Variants in SPC25 observed in about 807,000 individuals in gnomAD.
SPC25 encodes SPC25 component of NDC80 kinetochore complex.
Under a neutral mutation model 29.6 loss-of-function variants are expected in SPC25, and 22 were observed. The ratio of observed to expected loss-of-function variants is 0.74; its 90% CI spans 0.53 to 1.06. The LOEUF (loss-of-function observed/expected upper bound fraction) is 1.06. SPC25 is among the 50% of genes least tolerant of loss of function. SPC25 has a pLI of 0.00. For missense variants in SPC25, 230 were observed against 255.8 expected, an observed-to-expected ratio of 0.90 and a Z score of 0.69; for synonymous variants, 91 against 90.4, an observed-to-expected ratio of 1.01 and a Z score of -0.04.
chr2:168,889,641 G>C (rs1690356632), intron 1 of SPC25, 108 bp from the exon 2 acceptor site: 7 of 1,146,448 alleles, frequency 6.1e-6, no homozygotes, highest in Non-Finnish European at 8.5e-6. Context: ...CTAGAAAATA[G>C]CAACTTATCT....
intron 4 of SPC25, among the ~76,000 whole-genome samples, chr2:168,864,291 T>C (rs1414872253): frequency 2.6e-5 from 4 of 151,598 alleles, no homozygotes; most frequent in Non-Finnish European, 5.9e-5. Flanking sequence ...TCCTGTTTTT[T>C]TTTTTCTGAG....
intron 4 of SPC25, 54 bp from the exon 5 acceptor site, chr2:168,876,230 C>T: frequency 8.3e-7 from 1 of 1,200,472 alleles, no homozygotes; most frequent in Non-Finnish European, 1.1e-6. Context: ...CAAATTAATG[C>T]TCACTGAGTT....
At chr2:168,877,192 C>T (rs557951557) in intron 4 of SPC25, 46 bp downstream of exon 4, 3 of 1,597,906 alleles carry the variant, frequency 1.9e-6, no homozygotes, top group East Asian at 2.2e-5. Flanking sequence ...GGTGAACCGT[C>T]ACCACTTTCC....
At chr2:168,874,760 C>A (rs1310553423) in intron 5 of SPC25, among the ~76,000 whole-genome samples, 1 of 152,116 alleles carries the variant, frequency 6.6e-6, no homozygotes, top group Non-Finnish European at 1.5e-5. Flanking sequence ...CAACACTTCA[C>A]GTGTGTTGTC....
chr2:168,862,620 G>C (rs1689535847), intron 4 of SPC25, among the ~76,000 whole-genome samples: 1 of 152,166 alleles, frequency 6.6e-6, no homozygotes, highest in Non-Finnish European at 1.5e-5. Flanking sequence ...TCTCAGAAAA[G>C]CTTTTTACAG....
intron 4 of SPC25, chr2:168,863,625 G>A: frequency 1.0e-6 from 1 of 984,418 alleles, no homozygotes; most frequent in Non-Finnish European, 1.2e-6. Context: ...GTTGTTGAAT[G>A]GGGAGTTACA....
chr2:168,865,114 A>ATGAT (rs1689783614), intron 4 of SPC25: 1 of 836,096 alleles, frequency 1.2e-6, no homozygotes, highest in Non-Finnish European at 1.8e-6. Context: ...CTTTGCATTC[A>ATGAT]TGATTATTAG....
chr2:168,871,273 G>A lies in SPC25; in HGVS notation c.*158C>T, dbSNP rs1383953872. 8 of 585,946 alleles carry A rather than the reference G, an allele frequency of 1.4e-5. No individual in the cohort carries two copies. Among genetic ancestry groups the A allele is most frequent in the Admixed American group, 7.5e-5 (2 of 26,838 alleles). The allele number at this position is 585,946 out of a possible 1,614,324, so 36.3% of individuals were successfully genotyped here. A position where few individuals can be genotyped will look rare whatever the true frequency, so the allele number is the denominator to read the frequency against. On this transcript the variant is annotated 3_prime_UTR_variant, in exon 7 of 7. Coordinates refer to ENST00000282074, the MANE Select transcript of SPC25 (RefSeq NM_020675.4). ...CTAATGAAATGACGAGTTAATGGGT[G>A]CAGCACACCAATATGGCACATGTAT... is the stretch of plus-strand genomic sequence containing the variant.
At chr2:168,890,158 G>A (rs979104241) in intron 1 of SPC25, among the ~76,000 whole-genome samples, 160 bp downstream of exon 1, 1 of 152,184 alleles carries the variant, frequency 6.6e-6, no homozygotes, top group Non-Finnish European at 1.5e-5. Flanking sequence ...AACGCTTTGG[G>A]TTCGCAGCTG....
chr2:168,876,776 G>C (rs1690094171), intron 4 of SPC25, among the ~76,000 whole-genome samples: 2 of 151,940 alleles, frequency 1.3e-5, no homozygotes, highest in African/African-American at 2.4e-5. Flanking sequence ...AGACTACCTA[G>C]TTTGTGAGCA....
At chr2:168,864,944 G>A in intron 4 of SPC25, 3 of 1,614,108 alleles carry the variant, frequency 1.9e-6, no homozygotes, top group Non-Finnish European at 2.5e-6. Context: ...ACCTTCAAAT[G>A]CTGGCAACAC....
intron 3 of SPC25, among the ~76,000 whole-genome samples, chr2:168,886,991 G>A (rs1349668761): frequency 1.3e-5 from 2 of 152,140 alleles, no homozygotes; most frequent in Non-Finnish European, 2.9e-5. Flanking sequence ...CTACAAAGAA[G>A]TTTTAAAGAA....
chr2:168,873,352 C>G (rs1406948743), intron 6 of SPC25, among the ~76,000 whole-genome samples: 1 of 152,154 alleles, frequency 6.6e-6, no homozygotes, highest in Non-Finnish European at 1.5e-5. Flanking sequence ...TGTTCAGACA[C>G]TGTGGCACTG....
At chr2:168,875,503 C>T (rs746493057) in intron 5 of SPC25, among the ~76,000 whole-genome samples, 7 of 152,048 alleles carry the variant, frequency 4.6e-5, no homozygotes, top group African/African-American at 7.2e-5. Context: ...ATTACAACAA[C>T]GTACTGTAAT....
intron 5 of SPC25, among the ~76,000 whole-genome samples, chr2:168,875,425 A>G (rs1412766888): frequency 6.6e-6 from 1 of 152,318 alleles, no homozygotes; most frequent in Admixed American, 6.5e-5. Context: ...ATTCATACCT[A>G]TGATAAAGTT....
At chr2:168,862,688 A>C (rs767427453) in intron 4 of SPC25, among the ~76,000 whole-genome samples, 83 of 152,334 alleles carry the variant, frequency 5.4e-4, no homozygotes, top group Admixed American at 2.3e-3. Flanking sequence ...TAACATGGAA[A>C]GGTATTACGT....
At chr2:168,865,210 G>C (rs1689791927) in intron 4 of SPC25, 1 of 462,152 alleles carries the variant, frequency 2.2e-6, no homozygotes, top group Non-Finnish European at 3.9e-6. Flanking sequence ...CAAATTCTAG[G>C]AGACCCTAGA....
intron 4 of SPC25, chr2:168,865,433 G>GAGAC (rs1231937804): frequency 6.5e-6 from 1 of 154,652 alleles, no homozygotes; most frequent in African/African-American, 2.4e-5. Context: ...TCCAAGAAGA[G>GAGAC]AGACAGGCAA....
chr2:168,864,700 T>C (rs1025331627), intron 4 of SPC25: 12 of 941,682 alleles, frequency 1.3e-5, no homozygotes, highest in Non-Finnish European at 1.9e-5. Context: ...ACATTTGGCT[T>C]CATCTGAATC....
Sources: gnomAD v4.1 joint callset for allele counts (sites outside exome capture counted in the v4.1 genomes callset) on GRCh38, gnomAD v4.1.1 for gene constraint, MANE v1.5 for transcripts, NCBI Gene and HGNC (gene_info 2026-07-23, HGNC 2026-07-21) for gene names.